The following B3GALT1 variants were observed in gnomAD, a reference collection of about 807,000 sequenced individuals.
The protein encoded by B3GALT1 is beta-1,3-galactosyltransferase 1.
B3GALT1 carries 10 observed loss-of-function variants against 23.2 expected under a neutral mutation model. That is an observed-to-expected ratio of 0.43 (90% confidence interval 0.27 to 0.73). The LOEUF (loss-of-function observed/expected upper bound fraction) is 0.73, where lower values mean the gene tolerates loss of function less well. Among genes scored for constraint, B3GALT1 ranks in the 30% least tolerant of loss-of-function variants. The probability of loss-of-function intolerance (pLI) is 0.21; values close to 1 mark genes in which losing one functional copy is unlikely to be tolerated. For synonymous variants in B3GALT1, 156 were observed against 141.5 expected, an observed-to-expected ratio of 1.10 and a Z score of -0.73; for missense variants, 299 against 405.4, an observed-to-expected ratio of 0.74 and a Z score of 2.25.
chr2:167,627,580 A>G (rs978770467), intron 2 of B3GALT1, among the ~76,000 whole-genome samples: 1 of 151,710 alleles, frequency 6.6e-6, no homozygotes, highest in African/African-American at 2.4e-5. Flanking sequence ...CTACTTGATG[A>G]CATTTGAAAT....
chr2:167,340,571 C>G (rs1233351842), intron 1 of B3GALT1, among the ~76,000 whole-genome samples: 1 of 152,170 alleles, frequency 6.6e-6, no homozygotes, highest in Admixed American at 6.6e-5. Context: ...AAGGGCCACT[C>G]TCTCCAGGAA....
At chr2:167,413,126 C>A (rs186088801) in intron 1 of B3GALT1, among the ~76,000 whole-genome samples, 1 of 151,876 alleles carries the variant, frequency 6.6e-6, no homozygotes, top group African/African-American at 2.4e-5. Context: ...ACTTTGTGAA[C>A]GTTAATTGGG....
intron 1 of B3GALT1, among the ~76,000 whole-genome samples, chr2:167,469,466 G>A (rs916401254): frequency 6.6e-6 from 1 of 152,120 alleles, no homozygotes; most frequent in Non-Finnish European, 1.5e-5. Flanking sequence ...ATTTTAAGTT[G>A]AAAATTAAAA....
intron 3 of B3GALT1, among the ~76,000 whole-genome samples, chr2:167,727,093 A>G (rs1687328759): frequency 6.8e-6 from 1 of 147,806 alleles, no homozygotes; most frequent in African/African-American, 2.5e-5. Context: ...GACCAGTACA[A>G]GGCATCTTTA....
rs189179237 is a variant in B3GALT1 at position 167,742,108 on chromosome 2, A to T, written c.-351-76564A>T. ...TTTACTGATGCTCTTCTGTGCATCTACCTTTCCAGGTGTAATTGAGGAGTC... is the reference window on the plus strand; with the variant it reads ...TTTACTGATGCTCTTCTGTGCATCTTCCTTTCCAGGTGTAATTGAGGAGTC... On this transcript the variant is annotated intron_variant, in intron 3 of 4. Coordinates refer to ENST00000392690, the MANE Select transcript of B3GALT1 (RefSeq NM_020981.4). Among the ~76,000 whole-genome samples, 704 of 152,260 alleles carry T rather than the reference A, an allele frequency of 4.6e-3. 3 individuals are homozygous for T. Among genetic ancestry groups the T allele is most frequent in the Non-Finnish European group, 8.0e-3 (545 of 68,022 alleles).
intron 3 of B3GALT1, among the ~76,000 whole-genome samples, chr2:167,758,445 A>G (rs1687851378): frequency 1.3e-5 from 2 of 152,282 alleles, no homozygotes; most frequent in South Asian, 4.1e-4. Context: ...CAAAGAAAGG[A>G]AGGAAGCCCA....
At chr2:167,446,266 A>T (rs1452356303) in intron 1 of B3GALT1, among the ~76,000 whole-genome samples, 4 of 152,178 alleles carry the variant, frequency 2.6e-5, no homozygotes, top group Non-Finnish European at 5.9e-5. Context: ...TTTGTGGGTA[A>T]CCTGACCTTA....
chr2:167,485,322 C>T (rs750275871), intron 1 of B3GALT1, among the ~76,000 whole-genome samples: 1 of 152,106 alleles, frequency 6.6e-6, no homozygotes, highest in Non-Finnish European at 1.5e-5. Context: ...AAAAACAGGA[C>T]AAAACCAAGT....
At chr2:167,334,847 G>T (rs185020169) in intron 1 of B3GALT1, among the ~76,000 whole-genome samples, 1 of 152,086 alleles carries the variant, frequency 6.6e-6, no homozygotes, top group Non-Finnish European at 1.5e-5. Flanking sequence ...TAGACATGAG[G>T]TTGCTTTTCT....
At chr2:167,429,486 G>A (rs1001179707) in intron 1 of B3GALT1, among the ~76,000 whole-genome samples, 2 of 152,022 alleles carry the variant, frequency 1.3e-5, no homozygotes, top group African/African-American at 4.8e-5. Flanking sequence ...CATGAACCAA[G>A]TATCTAGAGA....
intron 2 of B3GALT1, among the ~76,000 whole-genome samples, chr2:167,579,448 C>CTTTTTTTTTTTTTTTTTTT (rs1558913471): frequency 8.8e-6 from 1 of 113,328 alleles, no homozygotes; most frequent in African/African-American, 3.2e-5. Flanking sequence ...TTTTTTTTTT[C>CTTTTTTTTTTTTTTTTTTT]CATTTAAATT....
chr2:167,369,159 A>G (rs889776737), intron 1 of B3GALT1, among the ~76,000 whole-genome samples: 3 of 151,072 alleles, frequency 2.0e-5, no homozygotes, highest in South Asian at 2.1e-4. Flanking sequence ...GGATTAATCT[A>G]TTTTATATGT....
intron 3 of B3GALT1, among the ~76,000 whole-genome samples, chr2:167,664,276 G>A (rs1275414505): frequency 2.0e-5 from 3 of 151,410 alleles, no homozygotes; most frequent in Middle Eastern, 3.4e-3. Context: ...AGTTGTAGAT[G>A]TGTGGCGTTA....
At chr2:167,698,620 T>C (rs1385144199) in intron 3 of B3GALT1, among the ~76,000 whole-genome samples, 2 of 152,198 alleles carry the variant, frequency 1.3e-5, no homozygotes, top group African/African-American at 2.4e-5. Flanking sequence ...GAAAATGAGA[T>C]AGACTTACTG....
chr2:167,392,409 G>A (rs1419606336), intron 1 of B3GALT1, among the ~76,000 whole-genome samples: 1 of 151,968 alleles, frequency 6.6e-6, no homozygotes, highest in Non-Finnish European at 1.5e-5. Flanking sequence ...AGCCCATTGG[G>A]CACAAGAGTA....
intron 3 of B3GALT1, among the ~76,000 whole-genome samples, chr2:167,806,363 A>G (rs1465873828): frequency 6.6e-6 from 1 of 152,178 alleles, no homozygotes; most frequent in Non-Finnish European, 1.5e-5. Flanking sequence ...TTCCAACACT[A>G]TGTTGAATAG....
chr2:167,633,011 A>C (rs976408356), intron 2 of B3GALT1, among the ~76,000 whole-genome samples: 3 of 152,030 alleles, frequency 2.0e-5, no homozygotes, highest in African/African-American at 7.2e-5. Flanking sequence ...AGTTTTCTGC[A>C]TATGGCTAGC....
intron 1 of B3GALT1, among the ~76,000 whole-genome samples, chr2:167,421,939 A>G (rs1698551476): frequency 6.6e-6 from 1 of 152,220 alleles, no homozygotes; most frequent in African/African-American, 2.4e-5. Context: ...TCTGCTTTCA[A>G]ATATTATCAC....
At chr2:167,676,749 C>G (rs1292435700) in intron 3 of B3GALT1, among the ~76,000 whole-genome samples, 1 of 152,074 alleles carries the variant, frequency 6.6e-6, no homozygotes, top group East Asian at 1.9e-4. Context: ...GTTGGCCAGG[C>G]TGGTCTCGAA....
Sources: gnomAD v4.1 joint callset for allele counts (sites outside exome capture counted in the v4.1 genomes callset) on GRCh38, gnomAD v4.1.1 for gene constraint, MANE v1.5 for transcripts, NCBI Gene and HGNC (gene_info 2026-07-23, HGNC 2026-07-21) for gene names.